SLC35F1: variants seen among roughly 807,000 people sequenced by gnomAD.
The protein encoded by SLC35F1 is solute carrier family 35 member F1.
A neutral mutation model predicts 48.7 loss-of-function variants in SLC35F1; 14 were observed. That is an observed-to-expected ratio of 0.29 (90% CI 0.19 to 0.45). The LOEUF is 0.45. SLC35F1 is among the 20% of genes least tolerant of loss of function. The probability of loss-of-function intolerance (pLI) is 1.00; values close to 1 mark genes in which losing one functional copy is unlikely to be tolerated. For synonymous variants in SLC35F1, 190 were observed against 202.2 expected (o/e 0.94, Z 0.51); for missense variants, 404 against 500.0 (o/e 0.81, Z 1.83).
intron 6 of SLC35F1, among the ~76,000 whole-genome samples, chr6:118,279,358 A>G (rs1363450710): frequency 6.6e-6 from 1 of 152,190 alleles, no homozygotes; most frequent in Non-Finnish European, 1.5e-5. Context: ...AAGCATTTGT[A>G]GGGTTGCGTT....
intron 1 of SLC35F1, among the ~76,000 whole-genome samples, chr6:118,066,483 A>G (rs1449543131): frequency 6.6e-6 from 1 of 152,184 alleles, no homozygotes; most frequent in Non-Finnish European, 1.5e-5. Context: ...GCTTGGAAGT[A>G]GATCCTTCCC....
intron 2 of SLC35F1, among the ~76,000 whole-genome samples, chr6:118,203,938 G>A (rs978264182): frequency 6.6e-6 from 1 of 152,080 alleles, no homozygotes; most frequent in African/African-American, 2.4e-5. Context: ...CTGCATTCAT[G>A]GAGAATTATA....
rs189830337 is a variant in SLC35F1, at chr6:118,315,278, T to G, written c.*1026T>G. The G allele has an allele frequency of 1.3e-5, 2 of 152,706 alleles. No individual in the cohort carries two copies. The highest frequency in any genetic ancestry group is 6.5e-5 in the Admixed American group (1 of 15,294). 9.5% of individuals were successfully genotyped at this position (152,706 alleles called of 1,614,324 possible). A position where few individuals can be genotyped will look rare whatever the true frequency, so the allele number is the denominator to read the frequency against. The stretch of plus-strand genomic sequence containing the variant: ...GTGGAAAATCATTGGTTGTGCCACC[T>G]CCTAACAAAGTCAAGGTGCTGATGT... On this transcript the variant is annotated 3_prime_UTR_variant, in exon 8 of 8. Coordinates refer to ENST00000360388, the MANE Select transcript of SLC35F1 (RefSeq NM_001029858.4).
chr6:117,959,562 C>T (rs1366328063), intron 1 of SLC35F1, among the ~76,000 whole-genome samples: 1 of 152,064 alleles, frequency 6.6e-6, no homozygotes, highest in African/African-American at 2.4e-5. Flanking sequence ...CTTGCCATAC[C>T]TGAGATGTAG....
intron 1 of SLC35F1, among the ~76,000 whole-genome samples, chr6:118,050,224 A>G (rs1386496169): frequency 1.3e-5 from 2 of 150,328 alleles, no homozygotes; most frequent in Admixed American, 6.6e-5. Context: ...GTGGGGTGGG[A>G]GGAGGGGGGA....
intron 1 of SLC35F1, among the ~76,000 whole-genome samples, chr6:118,083,710 C>T (rs1165150377): frequency 6.6e-6 from 1 of 152,116 alleles, no homozygotes. Flanking sequence ...TGGTATTTGG[C>T]AATACATGTT....
intron 1 of SLC35F1, among the ~76,000 whole-genome samples, chr6:118,011,059 T>C (rs1204981118): frequency 1.3e-5 from 2 of 152,128 alleles, no homozygotes; most frequent in Non-Finnish European, 2.9e-5. Context: ...AAACATCCAA[T>C]AGTACAGTGG....
chr6:118,050,131 C>T (rs1245988023), intron 1 of SLC35F1, among the ~76,000 whole-genome samples: 2 of 151,880 alleles, frequency 1.3e-5, no homozygotes, highest in Admixed American at 1.3e-4. Context: ...AACCAAACAC[C>T]ACATGTTCTC....
chr6:117,907,515 G>T lies in SLC35F1; in HGVS notation c.-212G>T, dbSNP rs1775702586. ...CGGCGGCGGCGGCACGGGCGCGAGG[G>T]TGCGCGCACTGGGACTGGAGAGGAG... On this transcript the variant is annotated 5_prime_UTR_variant, in exon 1 of 8. Transcript: ENST00000360388. 3.4e-6 allele frequency: 1 copy of T among 295,548 alleles called. No homozygotes were observed. The highest frequency in any genetic ancestry group is 5.6e-5 in the East Asian group (1 of 17,708). The allele number at this position is 295,548 out of a possible 1,614,324, so 18.3% of individuals were successfully genotyped here.
intron 1 of SLC35F1, among the ~76,000 whole-genome samples, chr6:118,083,408 C>T (rs1054981325): frequency 4.6e-5 from 7 of 152,142 alleles, no homozygotes; most frequent in Non-Finnish European, 8.8e-5. Flanking sequence ...ACTGAGAATA[C>T]GTCCTTGAAT....
intron 1 of SLC35F1, among the ~76,000 whole-genome samples, chr6:118,142,549 AG>A (rs1490472922): frequency 7.5e-6 from 1 of 134,110 alleles, no homozygotes; most frequent in South Asian, 2.7e-4. Context: ...TGGCAGTAAC[AG>A]AATTATATTT....
intron 1 of SLC35F1, among the ~76,000 whole-genome samples, chr6:118,103,668 A>G (rs140354963): frequency 1.1e-3 from 172 of 152,358 alleles, no homozygotes; most frequent in African/African-American, 4.0e-3. Flanking sequence ...CCAGAGCCCT[A>G]TGAGTGGCTT....
intron 1 of SLC35F1, among the ~76,000 whole-genome samples, chr6:117,971,287 A>G (rs945989066): frequency 6.6e-6 from 1 of 152,240 alleles, no homozygotes; most frequent in African/African-American, 2.4e-5. Flanking sequence ...GGTCATGCTG[A>G]TGCAAGAGGT....
chr6:118,235,493 T>C lies in SLC35F1; in HGVS notation c.350-16T>C, dbSNP rs200553180. On this transcript the variant is annotated splice_polypyrimidine_tract_variant and intron_variant, in intron 2 of 7. Coordinates refer to ENST00000360388, the MANE Select transcript of SLC35F1 (RefSeq NM_001029858.4). ...TTCAGGAACCTAACCCATTTCTTCT[T>C]AACTTTGTAACACAGGAGAAGAAAA... The C allele has an allele frequency of 6.2e-7, 1 of 1,610,750 alleles. No individual in the cohort carries two copies. Among genetic ancestry groups the C allele is most frequent in the Non-Finnish European group, 8.5e-7 (1 of 1,178,200 alleles).
Position 118,312,384 on chromosome 6 carries a change from A to T in SLC35F1, c.1003-1644A>T, listed in dbSNP as rs1462395704. On this transcript the variant is annotated intron_variant, in intron 7 of 7. Coordinates refer to ENST00000360388, the MANE Select transcript of SLC35F1 (RefSeq NM_001029858.4). ...GTAAATAGGTTTTCTGAGATCATAC[A>T]CAACTGTACTGTTAGTGGTCTTCTT... is the stretch of plus-strand genomic sequence containing the variant. Among the ~76,000 whole-genome samples, 7 of 152,400 alleles carry T rather than the reference A, an allele frequency of 4.6e-5. No individual in the cohort carries two copies. In the South Asian group the frequency reaches 1.2e-3, roughly 27 times the overall value.
chr6:118,292,060 G>T (rs1349923820), intron 7 of SLC35F1, among the ~76,000 whole-genome samples: 2 of 152,184 alleles, frequency 1.3e-5, no homozygotes, highest in Non-Finnish European at 2.9e-5. Context: ...AGAGTTTGCA[G>T]TGAGCTGAGA....
chr6:118,096,412 C>G (rs929973273), intron 1 of SLC35F1, among the ~76,000 whole-genome samples: 9 of 152,170 alleles, frequency 5.9e-5, no homozygotes, highest in Non-Finnish European at 1.2e-4. Context: ...CATACTGACC[C>G]TTTTAGCCAT....
At chr6:118,275,258 G>A (rs939247776) in intron 4 of SLC35F1, among the ~76,000 whole-genome samples, 4 of 152,182 alleles carry the variant, frequency 2.6e-5, no homozygotes, top group Admixed American at 6.5e-5. Flanking sequence ...ACTTCTAATT[G>A]TGTCAACATA....
intron 1 of SLC35F1, among the ~76,000 whole-genome samples, chr6:117,983,030 T>C (rs1163962586): frequency 6.6e-6 from 1 of 152,192 alleles, no homozygotes; most frequent in African/African-American, 2.4e-5. Flanking sequence ...GGTGGTGACA[T>C]TTAAATTTCA....
Sources: gnomAD v4.1 joint callset for allele counts (sites outside exome capture counted in the v4.1 genomes callset) on GRCh38, gnomAD v4.1.1 for gene constraint, MANE v1.5 for transcripts, NCBI Gene and HGNC (gene_info 2026-07-23, HGNC 2026-07-21) for gene names.